Variants in ADK observed in about 807,000 individuals in gnomAD.
ADK encodes adenosine kinase.
Under a neutral mutation model 44.7 loss-of-function variants are expected in ADK, and 24 were observed. The ratio of observed to expected loss-of-function variants is 0.54; its 90% CI spans 0.39 to 0.76. The LOEUF (loss-of-function observed/expected upper bound fraction) is 0.76. ADK is among the 30% of genes least tolerant of loss of function. The pLI is 0.00. For missense variants in ADK, 321 were observed against 425.1 expected, an observed-to-expected ratio of 0.76 and a Z score of 2.15; for synonymous variants, 128 against 142.6, an observed-to-expected ratio of 0.90 and a Z score of 0.73.
At chr10:74,485,269 G>A (rs184398710) in intron 6 of ADK, among the ~76,000 whole-genome samples, 7 of 152,020 alleles carry the variant, frequency 4.6e-5, no homozygotes, top group African/African-American at 1.7e-4. Flanking sequence ...GTGTATTGAA[G>A]GAATGAAAAA....
At chr10:74,262,378 T>C (rs1410499854) in intron 3 of ADK, among the ~76,000 whole-genome samples, 1 of 151,738 alleles carries the variant, frequency 6.6e-6, no homozygotes, top group African/African-American at 2.4e-5. Context: ...TACTTTTATA[T>C]AATTGTGCCA....
At chr10:74,527,496 G>A in intron 7 of ADK, 1 of 591,972 alleles carries the variant, frequency 1.7e-6, no homozygotes, top group East Asian at 2.9e-5. Flanking sequence ...TCTTAATTAA[G>A]GAGAGAATGT....
At chr10:74,509,022 C>G (rs1484098034) in intron 6 of ADK, among the ~76,000 whole-genome samples, 1 of 152,174 alleles carries the variant, frequency 6.6e-6, no homozygotes, top group South Asian at 2.1e-4. Flanking sequence ...TAGTTATTCA[C>G]AGGTGTGATC....
intron 6 of ADK, among the ~76,000 whole-genome samples, chr10:74,484,314 G>A (rs983478670): frequency 3.3e-5 from 5 of 152,088 alleles, no homozygotes; most frequent in Admixed American, 6.6e-5. Flanking sequence ...TTGAGAACTC[G>A]CTCATTATCA....
At chr10:74,547,467 TTTATTTTTATTTTATTA>T (rs1849870728) in intron 7 of ADK, among the ~76,000 whole-genome samples, 1 of 126,090 alleles carries the variant, frequency 7.9e-6, no homozygotes, top group Non-Finnish European at 1.7e-5. Flanking sequence ...TATTTATTTA[TTTATTTTTATTTTATTA>T]TTTTTTTTTT....
chr10:74,608,998 C>CT (rs1852441846), intron 9 of ADK, among the ~76,000 whole-genome samples: 1 of 152,226 alleles, frequency 6.6e-6, no homozygotes, highest in South Asian at 2.1e-4. Flanking sequence ...CCAGTTCAAA[C>CT]TTTTTTTGCG....
intron 9 of ADK, among the ~76,000 whole-genome samples, chr10:74,637,053 G>A (rs1853643019): frequency 6.6e-6 from 1 of 152,156 alleles, no homozygotes; most frequent in South Asian, 2.1e-4. Context: ...AGAAGACAAG[G>A]ATGACCTTAA....
At chr10:74,290,025 A>G (rs1847344066) in intron 3 of ADK, among the ~76,000 whole-genome samples, 1 of 151,946 alleles carries the variant, frequency 6.6e-6, no homozygotes, top group African/African-American at 2.4e-5. Flanking sequence ...AACTAGTGCT[A>G]TGCTAGGTTA....
At chr10:74,266,325 G>A (rs1015460771) in intron 3 of ADK, among the ~76,000 whole-genome samples, 8 of 152,138 alleles carry the variant, frequency 5.3e-5, no homozygotes, top group East Asian at 1.9e-4. Flanking sequence ...TTGGGAGGCC[G>A]AGGTGGGTGG....
In ADK at chr10:74,687,403, A is replaced by G. The variant is rs16931588; in HGVS notation, c.964+17134A>G. On this transcript the variant is annotated intron_variant, in intron 10 of 10. Transcript: ENST00000539909. ...GTTATTAGCTCAATTCACTTTTTAT[A>G]CAATGTCATCAGTAGGACACTAGGA... Among the ~76,000 whole-genome samples, 554 of 152,330 alleles carry G rather than the reference A, an allele frequency of 3.6e-3. 6 individuals carry two copies. Among genetic ancestry groups the G allele is most frequent in the African/African-American group, 0.013 (524 of 41,568 alleles).
chr10:74,328,727 G>A (rs1228581278), intron 4 of ADK, among the ~76,000 whole-genome samples: 3 of 151,976 alleles, frequency 2.0e-5, no homozygotes, highest in East Asian at 1.9e-4. Flanking sequence ...TCCCCTTTGC[G>A]TTCCAGCGTG....
intron 4 of ADK, among the ~76,000 whole-genome samples, chr10:74,334,581 G>C (rs1462363489): frequency 1.3e-5 from 2 of 152,072 alleles, no homozygotes; most frequent in Non-Finnish European, 2.9e-5. Flanking sequence ...TAGTTAAGAG[G>C]CTTTTGTGTT....
At chr10:74,492,619 T>A (rs1252730233) in intron 6 of ADK, among the ~76,000 whole-genome samples, 1 of 152,238 alleles carries the variant, frequency 6.6e-6, no homozygotes, top group African/African-American at 2.4e-5. Context: ...GGGCAATGAA[T>A]GATGTGACGT....
chr10:74,213,904 A>G (rs527349150), intron 2 of ADK, among the ~76,000 whole-genome samples: 2 of 152,238 alleles, frequency 1.3e-5, no homozygotes, highest in African/African-American at 2.4e-5. Context: ...ATATCTTCCA[A>G]TTCCAAATTT....
At chr10:74,623,587 T>G (rs1853076452) in intron 9 of ADK, among the ~76,000 whole-genome samples, 1 of 152,090 alleles carries the variant, frequency 6.6e-6, no homozygotes, top group South Asian at 2.1e-4. Flanking sequence ...TGGTGTAGAA[T>G]TGTGCGTGCA....
intron 8 of ADK, among the ~76,000 whole-genome samples, chr10:74,593,909 T>C (rs1851805587): frequency 6.6e-6 from 1 of 152,180 alleles, no homozygotes; most frequent in South Asian, 2.1e-4. Flanking sequence ...AGCAAACATA[T>C]ATGGGCATGT....
chr10:74,326,872 G>A (rs1460655107), intron 4 of ADK, among the ~76,000 whole-genome samples: 3 of 151,574 alleles, frequency 2.0e-5, no homozygotes, highest in Non-Finnish European at 4.4e-5. Flanking sequence ...TATTTCTCTG[G>A]GATCAATTGT....
At chr10:74,272,020 C>T (rs1436234517) in intron 3 of ADK, among the ~76,000 whole-genome samples, 1 of 151,928 alleles carries the variant, frequency 6.6e-6, no homozygotes, top group African/African-American at 2.4e-5. Flanking sequence ...TCTGAATATA[C>T]TTATGTTATG....
chr10:74,423,646 G>T, intron 6 of ADK: 2 of 392,564 alleles, frequency 5.1e-6, no homozygotes. Context: ...GAATTCTGGG[G>T]CTTTCTTGCT....
Sources: allele counts gnomAD v4.1 joint callset (sites outside exome capture counted in the v4.1 genomes callset), GRCh38; gene constraint gnomAD v4.1.1; transcripts MANE v1.5; gene names NCBI Gene and HGNC (gene_info 2026-07-23, HGNC 2026-07-21).